SYK: variants seen among roughly 807,000 people sequenced by gnomAD.
The protein encoded by SYK is spleen associated tyrosine kinase, also known as tyrosine-protein kinase SYK.
A neutral mutation model predicts 77.8 loss-of-function variants in SYK; 16 were observed. The observed-to-expected ratio is 0.21, with a 90% CI of 0.14 to 0.31. The LOEUF is 0.31. Among genes scored for constraint, SYK ranks in the 10% least tolerant of loss-of-function variants. The pLI is 1.00. For missense variants in SYK, 529 were observed against 814.4 expected (o/e 0.65, Z 4.26); for synonymous variants, 312 against 308.7 (o/e 1.01, Z -0.11).
intron 1 of SYK, among the ~76,000 whole-genome samples, chr9:90,804,138 A>G (rs1475722503): frequency 1.3e-5 from 2 of 152,206 alleles, no homozygotes; most frequent in Non-Finnish European, 2.9e-5. Flanking sequence ...ATGTTGTTCA[A>G]TACTTCACAC....
intron 8 of SYK, 32 bp downstream of exon 8, chr9:90,874,323 C>G (rs1359483445): frequency 1.2e-6 from 2 of 1,605,070 alleles, no homozygotes; most frequent in South Asian, 1.1e-5. Context: ...GGGACATTCA[C>G]AGAGCAAAGT....
Position 90,811,118 on chromosome 9 carries a change from C to T in SYK, c.-42+9225C>T, listed in dbSNP as rs543646417. Reference sequence around the variant, plus strand: ...AGAGGCCTGTCTAAATGTGATAAAACATATGAATTTATATTCACACTCATC... The same window carrying T: ...AGAGGCCTGTCTAAATGTGATAAAATATATGAATTTATATTCACACTCATC... On this transcript the variant is annotated intron_variant, in intron 1 of 13. Coordinates refer to ENST00000375754, the MANE Select transcript of SYK (RefSeq NM_003177.7). Among the ~76,000 whole-genome samples the T allele has an allele frequency of 3.2e-4, 49 of 152,122 alleles. No individual in the cohort carries two copies. In the South Asian group the frequency reaches 8.5e-3, roughly 26 times the overall value.
intron 1 of SYK, among the ~76,000 whole-genome samples, chr9:90,805,972 T>C (rs1824820515): frequency 6.6e-6 from 1 of 152,256 alleles, no homozygotes; most frequent in South Asian, 2.1e-4. Flanking sequence ...CACCTTCTAC[T>C]CCTTCTCACA....
chr9:90,866,688 C>CG (rs35854317), intron 6 of SYK, among the ~76,000 whole-genome samples: 1 of 151,908 alleles, frequency 6.6e-6, no homozygotes, highest in Non-Finnish European at 1.5e-5. Flanking sequence ...AAGATACATA[C>CG]GGGAAAAAAA....
At chr9:90,803,636 T>A (rs560450639) in intron 1 of SYK, among the ~76,000 whole-genome samples, 1 of 152,298 alleles carries the variant, frequency 6.6e-6, no homozygotes, top group African/African-American at 2.4e-5. Context: ...TGCTTTTTTT[T>A]AATGGAAGAC....
intron 1 of SYK, among the ~76,000 whole-genome samples, chr9:90,802,232 G>A (rs977174505): frequency 6.6e-6 from 1 of 152,180 alleles, no homozygotes; most frequent in Non-Finnish European, 1.5e-5. Flanking sequence ...CGGGAGACGC[G>A]GGATTGGGAT....
chr9:90,839,013 T>G (rs1826191388), intron 1 of SYK, among the ~76,000 whole-genome samples: 2 of 152,172 alleles, frequency 1.3e-5, no homozygotes, highest in Admixed American at 6.5e-5. Flanking sequence ...CTCTCTGGAT[T>G]TGCCATACTG....
intron 6 of SYK, among the ~76,000 whole-genome samples, chr9:90,865,985 G>A (rs1409627462): frequency 7.8e-5 from 10 of 128,998 alleles, no homozygotes; most frequent in African/African-American, 1.2e-4. Flanking sequence ...TGCAAGCTCT[G>A]CCTCCCGGGT....
At chr9:90,877,855 G>A (rs897491858) in intron 10 of SYK, 75 bp downstream of exon 10, 39 of 1,521,620 alleles carry the variant, frequency 2.6e-5, no homozygotes, top group Non-Finnish European at 3.4e-5. Flanking sequence ...GGGCCGAGCA[G>A]CCTGATTTCC....
intron 1 of SYK, among the ~76,000 whole-genome samples, chr9:90,832,455 G>A (rs1825930095): frequency 6.6e-6 from 1 of 152,204 alleles, no homozygotes; most frequent in East Asian, 1.9e-4. Context: ...GCAGGGTTTG[G>A]GCAGCTAGTC....
intron 4 of SYK, 51 bp downstream of exon 4, chr9:90,862,395 G>A (rs371381042): frequency 4.9e-5 from 77 of 1,581,172 alleles, no homozygotes; most frequent in African/African-American, 6.7e-5. Context: ...GGCACGTGGG[G>A]CTCCTTGTCC....
chr9:90,804,489 T>C (rs1824738495), intron 1 of SYK, among the ~76,000 whole-genome samples: 2 of 152,214 alleles, frequency 1.3e-5, no homozygotes, highest in Admixed American at 1.3e-4. Context: ...TTTCCCTGTA[T>C]AGATTTTTTT....
At chr9:90,852,871 G>A (rs1249399536) in intron 3 of SYK, among the ~76,000 whole-genome samples, 3 of 152,222 alleles carry the variant, frequency 2.0e-5, no homozygotes, top group Non-Finnish European at 2.9e-5. Context: ...CTTAGTCCCT[G>A]CCCTCACCGG....
chr9:90,858,103 G>A (rs1056116559), intron 3 of SYK, among the ~76,000 whole-genome samples: 9 of 152,134 alleles, frequency 5.9e-5, no homozygotes, highest in Admixed American at 4.6e-4. Context: ...CTTGGTGCCC[G>A]GGCATCACCT....
At chr9:90,836,863 C>T (rs915894122) in intron 1 of SYK, among the ~76,000 whole-genome samples, 2 of 152,036 alleles carry the variant, frequency 1.3e-5, no homozygotes, top group African/African-American at 4.8e-5. Context: ...GGACTGTAGC[C>T]ATGGTTGCCT....
At position 90,878,757 on chromosome 9, in the gene SYK, C is replaced by G. The variant is rs772728774; in HGVS notation, c.1392-7C>G. On this transcript the variant is annotated splice_region_variant and splice_polypyrimidine_tract_variant and intron_variant, in intron 10 of 13. Coordinates refer to ENST00000375754, the MANE Select transcript of SYK (RefSeq NM_003177.7). The stretch of plus-strand genomic sequence containing the variant: ...GTTATAGCTGATGAGATCATTATGA[C>G]TTTCAGACATGTCAAGGATAAGAAC... 1 of 1,600,284 alleles carries G rather than the reference C, an allele frequency of 6.2e-7. No individual in the cohort carries two copies. Among genetic ancestry groups the G allele is most frequent in the Non-Finnish European group, 8.6e-7 (1 of 1,168,612 alleles).
At chr9:90,807,444 T>C (rs1042305329) in intron 1 of SYK, among the ~76,000 whole-genome samples, 1 of 152,222 alleles carries the variant, frequency 6.6e-6, no homozygotes, top group Non-Finnish European at 1.5e-5. Context: ...CCCCCTTCTT[T>C]ATTTGTAAGC....
rs141549320 is a variant in SYK, at chr9:90,804,657, T to A, written c.-42+2764T>A. On this transcript the variant is annotated intron_variant, in intron 1 of 13. Coordinates refer to ENST00000375754, the MANE Select transcript of SYK (RefSeq NM_003177.7). ...TTGTTTTGTTTTAGAAGTCTACACA[T>A]TGAGCATTACTTTTTCTTCTAAAGC... is the stretch of plus-strand genomic sequence containing the variant. 2.5e-3 allele frequency among the ~76,000 whole-genome samples: 383 copies of A among 152,324 alleles called. 1 individual carries two copies. The highest frequency in any genetic ancestry group is 8.8e-3 in the African/African-American group (364 of 41,562).
chr9:90,854,754 G>A (rs1012708747), intron 3 of SYK, among the ~76,000 whole-genome samples: 1 of 151,974 alleles, frequency 6.6e-6, no homozygotes, highest in Non-Finnish European at 1.5e-5. Context: ...ATCCCCATGT[G>A]GCTTGTTCTT....
Sources: gnomAD v4.1 joint callset for allele counts (sites outside exome capture counted in the v4.1 genomes callset) on GRCh38, gnomAD v4.1.1 for gene constraint, MANE v1.5 for transcripts, NCBI Gene and HGNC (gene_info 2026-07-23, HGNC 2026-07-21) for gene names.